The following ABCE1 variants were observed in gnomAD, a reference collection of about 807,000 sequenced individuals.
ABCE1 encodes the protein ATP-binding cassette sub-family E member 1.
ABCE1 carries 22 observed loss-of-function variants against 83.4 expected under a neutral mutation model. That is an observed-to-expected ratio of 0.26 (90% CI 0.19 to 0.38). ABCE1 has a LOEUF of 0.38. Ranked by LOEUF, ABCE1 falls within the 10% of genes least tolerant of loss-of-function variation. ABCE1 has a pLI of 1.00. For synonymous variants in ABCE1, 204 were observed against 233.7 expected, an observed-to-expected ratio of 0.87 and a Z score of 1.16; for missense variants, 330 against 721.9, an observed-to-expected ratio of 0.46 and a Z score of 6.22.
At position 145,112,339 on chromosome 4, in the gene ABCE1, A is replaced by G; in HGVS notation, c.800+11A>G. 1 of 1,510,366 alleles carries G rather than the reference A, an allele frequency of 6.6e-7. No individual in the cohort carries two copies. The highest frequency in any genetic ancestry group is 9.0e-7 in the Non-Finnish European group (1 of 1,106,142). 93.6% of individuals were successfully genotyped at this position (1,510,366 alleles called of 1,614,324 possible). A position where few individuals can be genotyped will look rare whatever the true frequency, so the allele number is the denominator to read the frequency against. On this transcript the variant is annotated intron_variant, in intron 9 of 17. Coordinates refer to ENST00000296577, the MANE Select transcript of ABCE1 (RefSeq NM_002940.3). ...AATAAATCCAGATAGGTAAGTAGAG[A>G]TCTGGCATATTACTGTGTTGTTTTG...
chr4:145,124,700 T>G (rs2126715675), intron 16 of ABCE1, among the ~76,000 whole-genome samples: 1 of 152,296 alleles, frequency 6.6e-6, no homozygotes, highest in East Asian at 1.9e-4. Context: ...TTATCTTCTG[T>G]TTTTCTAAAG....
chr4:145,120,904 A>G, intron 11 of ABCE1: 1 of 357,582 alleles, frequency 2.8e-6, no homozygotes, highest in Non-Finnish European at 5.1e-6. Context: ...ATCTTTTCAA[A>G]CTATTGCAGG....
At chr4:145,102,074 T>C (rs1293665760) in intron 1 of ABCE1, among the ~76,000 whole-genome samples, 1 of 152,090 alleles carries the variant, frequency 6.6e-6, no homozygotes, top group Non-Finnish European at 1.5e-5. Flanking sequence ...CAGATTAGTG[T>C]TGTATCCTAA....
At position 145,108,118 on chromosome 4, in the gene ABCE1, T is replaced by G; in HGVS notation, c.287+6T>G. On this transcript the variant is annotated splice_donor_region_variant and intron_variant, in intron 4 of 17. Coordinates refer to ENST00000296577, the MANE Select transcript of ABCE1 (RefSeq NM_002940.3). ...AATGCCTTCAAACTTCACAGGTATA[T>G]TTTCACATCAGGATTCCTCTTCTGT... 1 of 1,608,800 alleles carries G rather than the reference T, an allele frequency of 6.2e-7. No individual in the cohort carries two copies. The highest frequency in any genetic ancestry group is 8.5e-7 in the Non-Finnish European group (1 of 1,175,966).
rs536724178 is a variant in ABCE1, at chr4:145,127,757, C to T, written c.*184C>T. ...TGTAGTTGAAACACAGAAAATGCCA[C>T]TTTTCTGTTCCTGAAGAGGCTCTTT... On this transcript the variant is annotated 3_prime_UTR_variant, in exon 18 of 18. Transcript: ENST00000296577. 1.8e-3 allele frequency: 826 copies of T among 462,384 alleles called. 8 individuals carry two copies. The highest frequency in any genetic ancestry group is 0.015 in the African/African-American group (729 of 48,538). 28.6% of individuals were successfully genotyped at this position (462,384 alleles called of 1,614,324 possible).
In ABCE1 at chr4:145,120,987, C is replaced by G. The variant is rs575029311; in HGVS notation, c.1145-187C>G. ...GACTAGTCTTTATTCCTCTTAATTA[C>G]CTTAGAATGACACTTCAGAGGTGAG... On this transcript the variant is annotated intron_variant, in intron 11 of 17. Transcript: ENST00000296577. 7.4e-5 allele frequency: 43 copies of G among 578,678 alleles called. No homozygotes were observed. The East Asian group carries it at 1.2e-3, about 16-fold the overall frequency. The allele number at this position is 578,678 out of a possible 1,614,324, so 35.8% of individuals were successfully genotyped here.
At position 145,112,233 on chromosome 4, in the gene ABCE1, T is replaced by C. The variant is rs2126706122; in HGVS notation, c.711-6T>C. ...TATATTTGCTTTTTTTTTTTTTTTT[T>C]CATAGTTTCATGTTTGATGAGCCTT... On this transcript the variant is annotated splice_region_variant and splice_polypyrimidine_tract_variant and intron_variant, in intron 8 of 17. Transcript: ENST00000296577. 8.8e-6 allele frequency: 13 copies of C among 1,473,140 alleles called. No homozygotes were observed. The highest frequency in any genetic ancestry group is 1.6e-5 in the African/African-American group (1 of 62,970). 91.3% of individuals were successfully genotyped at this position (1,473,140 alleles called of 1,614,324 possible).
chr4:145,121,523 G>A, intron 13 of ABCE1, 132 bp downstream of exon 13: 2 of 662,396 alleles, frequency 3.0e-6, no homozygotes, highest in Non-Finnish European at 5.2e-6. Context: ...GCAAACAAAT[G>A]TATTAAGAGT....
intron 1 of ABCE1, among the ~76,000 whole-genome samples, chr4:145,100,940 A>C (rs1483657555): frequency 6.6e-6 from 1 of 152,206 alleles, no homozygotes; most frequent in Non-Finnish European, 1.5e-5. Context: ...ATGAACAAAA[A>C]TTCCTACCCT....
At chr4:145,115,934 G>T (rs1749597723) in intron 9 of ABCE1, among the ~76,000 whole-genome samples, 1 of 151,922 alleles carries the variant, frequency 6.6e-6, no homozygotes. Context: ...AAGTTATGGG[G>T]TAATCAAAAA....
intron 13 of ABCE1, 64 bp downstream of exon 13, chr4:145,121,455 C>A: frequency 2.5e-6 from 3 of 1,202,498 alleles, no homozygotes; most frequent in Non-Finnish European, 3.6e-6. Context: ...TAGCTTTCAT[C>A]TTTTACTATA....
rs1212921484 is a variant in ABCE1 at position 145,121,164 on chromosome 4, G to C, written c.1145-10G>C. 1 of 1,612,924 alleles carries C rather than the reference G, an allele frequency of 6.2e-7. No individual in the cohort carries two copies. Among genetic ancestry groups the C allele is most frequent in the Non-Finnish European group, 8.5e-7 (1 of 1,179,806 alleles). ...CTTTCAGATCAAACTGTCATATGTT[G>C]TGTTGCCAGGAACGGGTAAAACGAC... On this transcript the variant is annotated splice_polypyrimidine_tract_variant and intron_variant, in intron 11 of 17. Transcript: ENST00000296577.
intron 16 of ABCE1, 89 bp downstream of exon 16, chr4:145,123,689 A>G: frequency 7.6e-7 from 1 of 1,321,500 alleles, no homozygotes; most frequent in Admixed American, 2.3e-5. Flanking sequence ...TTAAAAAATG[A>G]AAGCTAGAAA....
Position 145,127,731 on chromosome 4 carries a change from T to C in ABCE1, c.*158T>C, listed in dbSNP as rs1486543295. 1 of 504,570 alleles carries C rather than the reference T, an allele frequency of 2.0e-6. No individual in the cohort carries two copies. Among genetic ancestry groups the C allele is most frequent in the Non-Finnish European group, 3.3e-6 (1 of 302,526 alleles). The allele number at this position is 504,570 out of a possible 1,614,324, so 31.3% of individuals were successfully genotyped here. A position where few individuals can be genotyped will look rare whatever the true frequency, so the allele number is the denominator to read the frequency against. On this transcript the variant is annotated 3_prime_UTR_variant, in exon 18 of 18. Coordinates refer to ENST00000296577, the MANE Select transcript of ABCE1 (RefSeq NM_002940.3). The stretch of plus-strand genomic sequence containing the variant: ...CATAAAAAGCCAGTTGGGTTCTAAA[T>C]TGTAGTTGAAACACAGAAAATGCCA...
intron 5 of ABCE1, 119 bp downstream of exon 5, chr4:145,109,368 T>C (rs1749399321): frequency 5.4e-6 from 3 of 556,364 alleles, no homozygotes; most frequent in Non-Finnish European, 8.9e-6. Context: ...GAATTAATGC[T>C]GAGAAATTTA....
chr4:145,103,267 AGATT>A (rs1749203680), intron 1 of ABCE1, among the ~76,000 whole-genome samples: 1 of 152,212 alleles, frequency 6.6e-6, no homozygotes, highest in Non-Finnish European at 1.5e-5. Context: ...AATAAAATCA[AGATT>A]GATTATCACA....
intron 1 of ABCE1, among the ~76,000 whole-genome samples, chr4:145,100,303 G>C (rs995454638): frequency 1.3e-5 from 2 of 152,184 alleles, no homozygotes; most frequent in Non-Finnish European, 2.9e-5. Flanking sequence ...GTAGTGTCCT[G>C]TGATCACTGC....
chr4:145,125,153 C>T (rs760780984), intron 17 of ABCE1, 52 bp downstream of exon 17: 23 of 1,268,650 alleles, frequency 1.8e-5, no homozygotes, highest in Non-Finnish European at 2.3e-6. Flanking sequence ...AGTATAAACA[C>T]TTGAAAGGCT....
At chr4:145,109,961 TATTA>T (rs1375988337) in intron 5 of ABCE1, 138 bp from the exon 6 acceptor site, 2 of 705,494 alleles carry the variant, frequency 2.8e-6, no homozygotes, top group Non-Finnish European at 4.4e-6. Context: ...ATGAGACTTT[TATTA>T]ATTATGTTCG....
Sources: gnomAD v4.1 joint callset for allele counts (sites outside exome capture counted in the v4.1 genomes callset) on GRCh38, gnomAD v4.1.1 for gene constraint, MANE v1.5 for transcripts, NCBI Gene and HGNC (gene_info 2026-07-23, HGNC 2026-07-21) for gene names.